The following PRKN variants were observed in gnomAD, a reference collection of about 807,000 sequenced individuals.
PRKN encodes the protein E3 ubiquitin-protein ligase parkin.
Under a neutral mutation model 59.5 loss-of-function variants are expected in PRKN, and 56 were observed. The ratio of observed to expected loss-of-function variants is 0.94; its 90% CI spans 0.76 to 1.18. The LOEUF (loss-of-function observed/expected upper bound fraction) is 1.18. Ranked by LOEUF, PRKN falls within the 50% of genes most tolerant of loss-of-function variation. The pLI is 0.00. For missense variants in PRKN, 657 were observed against 596.4 expected (o/e 1.10, Z -1.06); for synonymous variants, 250 against 222.1 (o/e 1.13, Z -1.12).
In PRKN at chr6:161,550,402, T is replaced by C. The variant is rs964895338; in HGVS notation, c.934-1399A>G. On this transcript the variant is annotated intron_variant, in intron 8 of 11. Coordinates refer to ENST00000366898, the MANE Select transcript of PRKN (RefSeq NM_004562.3). The surrounding 1 kb of genome is among the most constrained non-coding windows in gnomAD (Gnocchi z 4.0). ...TAAAGACATCCACCTGGCTGCTATG[T>C]TCGGAATACCCTCTGGAGGGCCAGG... is the stretch of plus-strand genomic sequence containing the variant. Among the ~76,000 whole-genome samples, 3 of 152,132 alleles carry C rather than the reference T, an allele frequency of 2.0e-5. No individual in the cohort carries two copies. Among genetic ancestry groups the C allele is most frequent in the Non-Finnish European group, 4.4e-5 (3 of 68,022 alleles).
chr6:162,681,677 G>C (rs1430955841), intron 1 of PRKN, among the ~76,000 whole-genome samples: 3 of 152,092 alleles, frequency 2.0e-5, no homozygotes, highest in Non-Finnish European at 4.4e-5. Flanking sequence ...ATTGCATAAA[G>C]CATAAAGCAA....
At chr6:162,227,264 A>G (rs1778222367) in intron 3 of PRKN, among the ~76,000 whole-genome samples, 1 of 152,116 alleles carries the variant, frequency 6.6e-6, no homozygotes, top group Admixed American at 6.5e-5. Context: ...TATTGCATTC[A>G]TTTTTAGCTA....
intron 6 of PRKN, among the ~76,000 whole-genome samples, chr6:161,930,237 TTA>T (rs768826807): frequency 1.2e-4 from 18 of 152,206 alleles, no homozygotes; most frequent in Non-Finnish European, 2.6e-4. Context: ...GATTGCTACA[TTA>T]TCTTCTAACC....
chr6:162,140,907 T>C (rs1033095075), intron 4 of PRKN, among the ~76,000 whole-genome samples: 1 of 152,086 alleles, frequency 6.6e-6, no homozygotes, highest in African/African-American at 2.4e-5. Context: ...GGCGGGCAGA[T>C]CACAACATCA....
intron 2 of PRKN, among the ~76,000 whole-genome samples, chr6:162,265,776 T>C (rs1306771856): frequency 3.3e-5 from 5 of 152,108 alleles, no homozygotes; most frequent in African/African-American, 1.2e-4. Context: ...GCAGCCACAC[T>C]CACAGCATGA....
chr6:162,069,624 A>G (rs189382456), intron 4 of PRKN, among the ~76,000 whole-genome samples: 2 of 152,206 alleles, frequency 1.3e-5, no homozygotes, highest in South Asian at 4.1e-4. Context: ...TTATAGAAGC[A>G]GTTAACTAAA....
intron 6 of PRKN, among the ~76,000 whole-genome samples, chr6:161,954,647 C>T (rs1296216985): frequency 6.6e-6 from 1 of 152,108 alleles, no homozygotes; most frequent in Non-Finnish European, 1.5e-5. Context: ...TATTCATTTC[C>T]ACTGTAAGGC....
chr6:162,469,184 C>T (rs1791583746), intron 1 of PRKN, among the ~76,000 whole-genome samples: 1 of 151,962 alleles, frequency 6.6e-6, no homozygotes, highest in African/African-American at 2.4e-5. Context: ...GTGCTCAGAC[C>T]ACACTTAAGA....
intron 6 of PRKN, among the ~76,000 whole-genome samples, chr6:161,900,046 G>T (rs1327287114): frequency 6.6e-6 from 1 of 152,034 alleles, no homozygotes; most frequent in Non-Finnish European, 1.5e-5. Context: ...GGGAGGCAGA[G>T]GTTGCAGTGA....
Position 161,547,440 on chromosome 6 carries a change from AT to A in PRKN, c.1083+1413del, listed in dbSNP as rs1779836712. ...AAGATAAAGATATTCAAGATTTCAC[AT>A]TACATAAACCCTTCAACATTCTTAA... On this transcript the variant is annotated intron_variant, in intron 9 of 11. Coordinates refer to ENST00000366898, the MANE Select transcript of PRKN (RefSeq NM_004562.3). The surrounding 1 kb of genome is among the most constrained non-coding windows in gnomAD (Gnocchi z 4.0). Among the ~76,000 whole-genome samples the A allele has an allele frequency of 6.6e-6, 1 of 152,240 alleles. No individual in the cohort carries two copies. Among genetic ancestry groups the A allele is most frequent in the Admixed American group, 6.5e-5 (1 of 15,292 alleles).
intron 4 of PRKN, among the ~76,000 whole-genome samples, chr6:162,185,737 G>A (rs756303872): frequency 9.9e-5 from 15 of 152,144 alleles, no homozygotes; most frequent in Non-Finnish European, 1.6e-4. Flanking sequence ...CAAAGGATGT[G>A]TCAGCGGCAT....
intron 1 of PRKN, among the ~76,000 whole-genome samples, chr6:162,628,581 C>A (rs541748010): frequency 6.6e-6 from 1 of 151,942 alleles, no homozygotes; most frequent in African/African-American, 2.4e-5. Flanking sequence ...ATCATATGTT[C>A]CAACAGCATT....
rs1234500838 is a variant in PRKN at position 161,579,515 on chromosome 6, C to T, written c.872-10099G>A. Among the ~76,000 whole-genome samples the T allele has an allele frequency of 3.9e-5, 6 of 152,150 alleles. No individual in the cohort carries two copies. Among genetic ancestry groups the T allele is most frequent in the African/African-American group, 1.4e-4 (6 of 41,418 alleles). ...ATTTATATTTGTACCCTATACTTCG[C>T]CATAGAGTGTGCTCTGTAAACTGGC... On this transcript the variant is annotated intron_variant, in intron 7 of 11. Transcript: ENST00000366898. This position sits in a 1 kb window ranked among gnomAD's most constrained non-coding sequence, Gnocchi z 4.2.
At chr6:161,749,641 G>A (rs763315265) in intron 7 of PRKN, among the ~76,000 whole-genome samples, 2 of 152,038 alleles carry the variant, frequency 1.3e-5, no homozygotes, top group Admixed American at 6.5e-5. Flanking sequence ...GTAGCCCCAT[G>A]GTACACTGCA....
At chr6:161,943,369 G>T (rs5011188) in intron 6 of PRKN, among the ~76,000 whole-genome samples, 55,388 of 152,056 alleles carry the variant, frequency 0.36, 10,420 homozygotes, top group Middle Eastern at 0.53. Context: ...AGAGAACAAT[G>T]ATATTATTTG....
chr6:162,313,580 C>T (rs191020110), intron 2 of PRKN, among the ~76,000 whole-genome samples: 4 of 152,078 alleles, frequency 2.6e-5, no homozygotes, highest in Admixed American at 2.0e-4. Flanking sequence ...CTCCACCTCC[C>T]GGGTTCAAGC....
intron 2 of PRKN, among the ~76,000 whole-genome samples, chr6:162,385,667 T>C (rs2128142369): frequency 6.6e-6 from 1 of 152,216 alleles, no homozygotes; most frequent in East Asian, 1.9e-4. Flanking sequence ...CCTGTGCTCA[T>C]TACTGAGTTT....
intron 1 of PRKN, among the ~76,000 whole-genome samples, chr6:162,687,886 T>C (rs978913077): frequency 6.6e-6 from 1 of 152,184 alleles, no homozygotes; most frequent in Admixed American, 6.5e-5. Context: ...TAACTATGAA[T>C]ATTAAGATCT....
chr6:161,570,146 A>AAAAAAT (rs869285771), intron 7 of PRKN, among the ~76,000 whole-genome samples: 3 of 76,612 alleles, frequency 3.9e-5, no homozygotes, highest in Admixed American at 1.9e-4. Flanking sequence ...AAAAAAAAAA[A>AAAAAAT]ATATATATAT....
Sources: gnomAD v4.1 joint callset for allele counts (sites outside exome capture counted in the v4.1 genomes callset) on GRCh38, gnomAD v4.1.1 for gene constraint, Gnocchi (gnomAD v3.1) non-coding constraint, MANE v1.5 for transcripts, NCBI Gene and HGNC (gene_info 2026-07-23, HGNC 2026-07-21) for gene names.